Variants in RIMS2 observed in about 807,000 individuals in gnomAD.
The protein encoded by RIMS2 is regulating synaptic membrane exocytosis protein 2.
A neutral mutation model predicts 174.4 loss-of-function variants in RIMS2; 59 were observed. The ratio of observed to expected loss-of-function variants is 0.34; its 90% CI spans 0.27 to 0.42. The LOEUF is 0.42. Among genes scored for constraint, RIMS2 ranks in the 10% least tolerant of loss-of-function variants. RIMS2 has a pLI of 1.00. For synonymous variants in RIMS2, 606 were observed against 572.5 expected, an observed-to-expected ratio of 1.06 and a Z score of -0.84; for missense variants, 1,620 against 1,666.3, an observed-to-expected ratio of 0.97 and a Z score of 0.48.
intron 19 of RIMS2, among the ~76,000 whole-genome samples, chr8:104,061,218 A>G (rs2154560381): frequency 6.6e-6 from 1 of 152,256 alleles, no homozygotes; most frequent in Non-Finnish European, 1.5e-5. Context: ...GTCTCTTTGT[A>G]GGTCACTCAG....
At chr8:104,100,950 T>TATATATG (rs58368763) in intron 19 of RIMS2, among the ~76,000 whole-genome samples, 69,026 of 130,974 alleles carry the variant, frequency 0.53, 19,718 homozygotes, top group African/African-American at 0.77. Flanking sequence ...TATTATATAG[T>TATATATG]ATATATGATA....
intron 2 of RIMS2, among the ~76,000 whole-genome samples, chr8:103,747,685 A>G (rs1165317662): frequency 6.6e-6 from 1 of 152,132 alleles, no homozygotes; most frequent in Non-Finnish European, 1.5e-5. Context: ...TATATGTAGA[A>G]TATGAGAGAA....
intron 19 of RIMS2, 58 bp from the exon 23 acceptor site, chr8:104,068,454 G>A: frequency 2.6e-6 from 2 of 754,864 alleles, no homozygotes; most frequent in Non-Finnish European, 4.4e-6. Flanking sequence ...CATCCTGTAA[G>A]TCGGACTCAG....
At chr8:104,075,466 T>C (rs761897427) in intron 19 of RIMS2, among the ~76,000 whole-genome samples, 1 of 152,196 alleles carries the variant, frequency 6.6e-6, no homozygotes, top group African/African-American at 2.4e-5. Flanking sequence ...GTTTTCTATT[T>C]TTGAATTAGA....
At chr8:103,783,254 T>C (rs899310585) in intron 3 of RIMS2, among the ~76,000 whole-genome samples, 1 of 149,708 alleles carries the variant, frequency 6.7e-6, no homozygotes, top group African/African-American at 2.5e-5. Flanking sequence ...CATAGCAGTT[T>C]GTTTTTTCTT....
intron 1 of RIMS2, among the ~76,000 whole-genome samples, chr8:103,624,139 G>C (rs906295391): frequency 6.6e-6 from 1 of 152,128 alleles, no homozygotes; most frequent in Non-Finnish European, 1.5e-5. Context: ...CTGGCCAAGG[G>C]GGGCCCAGAT....
intron 3 of RIMS2, among the ~76,000 whole-genome samples, chr8:103,859,223 C>G (rs2099045277): frequency 6.6e-6 from 1 of 152,122 alleles, no homozygotes; most frequent in African/African-American, 2.4e-5. Flanking sequence ...CAATTACCTT[C>G]AGCTCTTAAA....
intron 3 of RIMS2, among the ~76,000 whole-genome samples, chr8:103,869,443 C>A (rs1355516123): frequency 6.6e-6 from 1 of 150,876 alleles, no homozygotes; most frequent in Non-Finnish European, 1.5e-5. Flanking sequence ...GTGATCCGCC[C>A]ATCTTGGCCT....
intron 19 of RIMS2, among the ~76,000 whole-genome samples, chr8:104,067,281 T>C (rs2097122230): frequency 6.6e-6 from 1 of 152,208 alleles, no homozygotes; most frequent in South Asian, 2.1e-4. Context: ...GGATATCCAG[T>C]TGAGTTCACT....
At chr8:103,818,710 A>G (rs1482757785) in intron 3 of RIMS2, among the ~76,000 whole-genome samples, 3 of 152,158 alleles carry the variant, frequency 2.0e-5, no homozygotes, top group African/African-American at 7.2e-5. Context: ...TGTAGTCACT[A>G]TGTATATAGC....
intron 19 of RIMS2, among the ~76,000 whole-genome samples, chr8:104,173,613 ATTTTTTTTTTTTTT>A (rs71297262): frequency 7.4e-5 from 4 of 54,198 alleles, no homozygotes; most frequent in South Asian, 1.1e-3. Flanking sequence ...AGCTCTTCTG[ATTTTTTTTTTTTTT>A]TTTTTTTTTT....
At chr8:103,597,099 A>T (rs1197258471) in intron 1 of RIMS2, among the ~76,000 whole-genome samples, 2 of 152,204 alleles carry the variant, frequency 1.3e-5, no homozygotes, top group Admixed American at 1.3e-4. Context: ...AAATTAACAA[A>T]CAGATTAAGA....
intron 2 of RIMS2, among the ~76,000 whole-genome samples, chr8:103,722,258 C>T (rs538508230): frequency 1.3e-5 from 2 of 152,198 alleles, no homozygotes; most frequent in African/African-American, 4.8e-5. Flanking sequence ...CCTGTAGTCC[C>T]AGCCACACAG....
chr8:104,062,115 A>T (rs1028939962), intron 19 of RIMS2, among the ~76,000 whole-genome samples: 1 of 152,158 alleles, frequency 6.6e-6, no homozygotes, highest in Non-Finnish European at 1.5e-5. Context: ...TAAAATATTC[A>T]TTAAAATTGG....
intron 1 of RIMS2, among the ~76,000 whole-genome samples, chr8:103,575,497 A>T (rs1588085198): frequency 6.6e-6 from 1 of 152,082 alleles, no homozygotes; most frequent in African/African-American, 2.4e-5. Context: ...TCACTGCAAC[A>T]ATGTTTATAA....
intron 17 of RIMS2, among the ~76,000 whole-genome samples, chr8:103,994,811 A>C (rs1174083316): frequency 2.6e-5 from 4 of 152,140 alleles, no homozygotes. Flanking sequence ...AAATAAAATA[A>C]ATTGATGCTT....
intron 3 of RIMS2, chr8:103,819,621 C>G (rs756989443): frequency 1.2e-6 from 2 of 1,611,328 alleles, no homozygotes; most frequent in Non-Finnish European, 1.7e-6. Context: ...AAACACTGAA[C>G]AATGCAAGGT....
chr8:103,723,461 G>T lies in RIMS2; in HGVS notation c.387+26165G>T, dbSNP rs182912316. Among the ~76,000 whole-genome samples the T allele has an allele frequency of 1.4e-4, 21 of 152,320 alleles. No homozygotes were observed. The East Asian group carries it at 3.9e-3, about 28-fold the overall frequency. ...CTGGAGTCTGTGGGTCAGATGGCTT[G>T]GTACCTGGGTCAGTGGATGAGTAGG... On this transcript the variant is annotated intron_variant, in intron 2 of 23. Coordinates refer to ENST00000504942, the Ensembl canonical transcript of RIMS2.
chr8:104,155,718 G>C (rs991557245), intron 19 of RIMS2, among the ~76,000 whole-genome samples: 2 of 152,108 alleles, frequency 1.3e-5, no homozygotes, highest in Non-Finnish European at 2.9e-5. Flanking sequence ...GGCCTTGGGG[G>C]TGTTAGTTTC....
Sources: gnomAD v4.1 joint callset for allele counts (sites outside exome capture counted in the v4.1 genomes callset) on GRCh38, gnomAD v4.1.1 for gene constraint, MANE v1.5 for transcripts, NCBI Gene and HGNC (gene_info 2026-07-23, HGNC 2026-07-21) for gene names.